ZFX: variants seen among roughly 807,000 people sequenced by gnomAD.
ZFX encodes the protein zinc finger protein X-linked.
For missense variants in ZFX, 362 were observed against 628.3 expected (o/e 0.58, Z 4.53); for synonymous variants, 196 against 226.8 (o/e 0.86, Z 1.22).
intron 3 of ZFX, among the ~76,000 whole-genome samples, chrX:24,172,335 T>C (rs1401179805): frequency 1.7e-4 from 19 of 112,240 alleles, no homozygotes; most frequent in Non-Finnish European, 2.8e-4. Context: ...ACATGGGGTG[T>C]TACAGACTGA....
chrX:24,152,019 A>G (rs1001622657), intron 2 of ZFX, among the ~76,000 whole-genome samples: 1 of 111,891 alleles, frequency 8.9e-6, no homozygotes, highest in Non-Finnish European at 1.9e-5. Flanking sequence ...GAGTTGTCAG[A>G]ATTTCTATGG....
At chrX:24,170,194 T>C (rs2520326) in intron 3 of ZFX, among the ~76,000 whole-genome samples, 46,153 of 102,906 alleles carry the variant, frequency 0.45, 8,378 homozygotes, top group South Asian at 0.78. Context: ...CTCGCTCTGT[T>C]GCCCAGGCTG....
intron 5 of ZFX, among the ~76,000 whole-genome samples, chrX:24,181,107 T>G (rs1935647620): frequency 8.9e-6 from 1 of 112,511 alleles, no homozygotes; most frequent in African/African-American, 3.2e-5. Context: ...ATACAGGAAT[T>G]TAATATAACA....
chrX:24,181,896 A>T (rs1935717946), intron 5 of ZFX, among the ~76,000 whole-genome samples: 2 of 111,677 alleles, frequency 1.8e-5, no homozygotes, highest in African/African-American at 3.3e-5. Context: ...GACTTAAGTG[A>T]GGGAGAGATT....
At chrX:24,150,329 G>A (rs1363367464) in intron 1 of ZFX, among the ~76,000 whole-genome samples, 1 of 108,229 alleles carries the variant, frequency 9.2e-6, no homozygotes, top group East Asian at 3.0e-4. Flanking sequence ...GGGGGTGGGA[G>A]AGCGGGCGGC....
chrX:24,198,531 C>T (rs112815673), intron 5 of ZFX, among the ~76,000 whole-genome samples: 74 of 107,116 alleles, frequency 6.9e-4, no homozygotes, highest in African/African-American at 2.4e-3. Flanking sequence ...TCTTAATGAC[C>T]AAACATTTAC....
chrX:24,199,176 C>T (rs1937123482), intron 5 of ZFX, among the ~76,000 whole-genome samples: 4 of 111,003 alleles, frequency 3.6e-5, no homozygotes, highest in Admixed American at 9.5e-5. Context: ...GCAAGTCACA[C>T]GAGGGCTGAG....
chrX:24,181,179 A>G (rs1935655585), intron 5 of ZFX, among the ~76,000 whole-genome samples: 1 of 112,872 alleles, frequency 8.9e-6, no homozygotes, highest in African/African-American at 3.2e-5. Context: ...AACTCCTTTG[A>G]AAACTTCTTG....
chrX:24,194,873 A>G (rs779689623), intron 5 of ZFX, among the ~76,000 whole-genome samples: 37 of 108,638 alleles, frequency 3.4e-4, no homozygotes, highest in Non-Finnish European at 5.7e-4. Context: ...CAGCCCCCCA[A>G]GTAGCTGGGA....
intron 4 of ZFX, 51 bp downstream of exon 4, chrX:24,172,851 T>C: frequency 2.7e-6 from 3 of 1,099,095 alleles, no homozygotes; most frequent in Non-Finnish European, 3.7e-6. Flanking sequence ...TTGGAGTTGG[T>C]TGTCATCAAT....
chrX:24,205,942 C>CT (rs200671546), intron 5 of ZFX, among the ~76,000 whole-genome samples: 69 of 108,340 alleles, frequency 6.4e-4, no homozygotes, highest in African/African-American at 1.9e-3. Flanking sequence ...ATATGTACCT[C>CT]TTTTTTTTTT....
chrX:24,205,942 CT>C (rs200671546), intron 5 of ZFX, among the ~76,000 whole-genome samples: 4 of 108,295 alleles, frequency 3.7e-5, no homozygotes, highest in Non-Finnish European at 5.8e-5. Flanking sequence ...ATATGTACCT[CT>C]TTTTTTTTTA....
chrX:24,183,097 T>A (rs943872425), intron 5 of ZFX, among the ~76,000 whole-genome samples: 1 of 112,210 alleles, frequency 8.9e-6, no homozygotes, highest in Non-Finnish European at 1.9e-5. Flanking sequence ...CTTTAGTCTT[T>A]AGGGGATGGG....
Position 24,208,259 on chromosome X carries a change from G to A in ZFX, c.982G>A (p.Val328Ile), listed in dbSNP as rs1288280252. 8.3e-7 allele frequency: 1 copy of A among 1,211,675 alleles called. No homozygotes were observed. Among genetic ancestry groups the A allele is most frequent in the Admixed American group, 2.2e-5 (1 of 45,896 alleles). The stretch of plus-strand genomic sequence containing the variant: ...TGACGAAGTTTATATGGAAGTGATC[G>A]TAGGAGAGGAGGATGCTGCAGCAGC... The part of the protein sequence containing the change: ...IADEVYMEVI[V>I]GEEDAAAAAA... Residue 328 changes from valine to isoleucine, a missense_variant, in exon 8 of 10, where the codon GTA becomes ATA. By Grantham distance (29) the Val-to-Ile change is conservative. Transcript: ENST00000304543.
intron 3 of ZFX, among the ~76,000 whole-genome samples, chrX:24,157,878 C>T (rs780102377): frequency 2.1e-4 from 23 of 111,593 alleles, no homozygotes; most frequent in Non-Finnish European, 4.0e-4. Flanking sequence ...CCTGCCTCAG[C>T]GTCCCGAGTA....
chrX:24,182,310 T>C (rs1341117967), intron 5 of ZFX, among the ~76,000 whole-genome samples: 1 of 111,634 alleles, frequency 9.0e-6, no homozygotes, highest in Non-Finnish European at 1.9e-5. Flanking sequence ...ATGTAGGCAG[T>C]ATCATATATG....
At chrX:24,187,371 ATAC>A (rs1569151284) in intron 5 of ZFX, among the ~76,000 whole-genome samples, 2 of 111,870 alleles carry the variant, frequency 1.8e-5, no homozygotes, top group African/African-American at 6.5e-5. Context: ...GTATAATTTA[ATAC>A]TACAAAGCAG....
chrX:24,206,503 G>T (rs1296222435), intron 5 of ZFX, among the ~76,000 whole-genome samples: 2 of 11,336 alleles, frequency 1.8e-4, no homozygotes, highest in East Asian at 2.4e-3. Flanking sequence ...TGCCTGGCGT[G>T]TGTGTGTGTG....
At chrX:24,172,654 G>A in intron 3 of ZFX, 61 bp from the exon 4 acceptor site, 2 of 812,742 alleles carry the variant, frequency 2.5e-6, no homozygotes, top group South Asian at 7.2e-5. Flanking sequence ...CTATCATGAT[G>A]GCATTTAATA....
Sources: allele counts gnomAD v4.1 joint callset (sites outside exome capture counted in the v4.1 genomes callset), GRCh38; gene constraint gnomAD v4.1.1; transcripts MANE v1.5; gene names NCBI Gene and HGNC (gene_info 2026-07-23, HGNC 2026-07-21).